Variants in SLC22A23 observed in about 807,000 individuals in gnomAD.
The protein encoded by SLC22A23 is solute carrier family 22 member 23.
A neutral mutation model predicts 61.0 loss-of-function variants in SLC22A23; 26 were observed. The ratio of observed to expected loss-of-function variants is 0.43; its 90% CI spans 0.31 to 0.59. SLC22A23 has a LOEUF of 0.59. SLC22A23 is among the 20% of genes least tolerant of loss of function. The pLI is 0.11. For synonymous variants in SLC22A23, 430 were observed against 413.9 expected, an observed-to-expected ratio of 1.04 and a Z score of -0.47; for missense variants, 796 against 934.7, an observed-to-expected ratio of 0.85 and a Z score of 1.94.
intron 5 of SLC22A23, among the ~76,000 whole-genome samples, chr6:3,296,927 C>G (rs1362463537): frequency 6.6e-6 from 1 of 152,200 alleles, no homozygotes; most frequent in Admixed American, 6.5e-5. Flanking sequence ...GCATCCCTTC[C>G]CATCGTAAAT....
chr6:3,351,533 C>T (rs760113845), intron 3 of SLC22A23, among the ~76,000 whole-genome samples: 14 of 152,170 alleles, frequency 9.2e-5, no homozygotes, highest in African/African-American at 1.7e-4. Context: ...AAGTACTGGA[C>T]GGTCAGGACT....
intron 4 of SLC22A23, among the ~76,000 whole-genome samples, chr6:3,314,552 A>G (rs1762529158): frequency 6.6e-6 from 1 of 152,200 alleles, no homozygotes; most frequent in African/African-American, 2.4e-5. Context: ...AGCAGGGTTT[A>G]AGAAACAAAC....
chr6:3,356,225 C>G (rs1380019268), intron 3 of SLC22A23, among the ~76,000 whole-genome samples: 1 of 150,506 alleles, frequency 6.6e-6, no homozygotes, highest in East Asian at 2.0e-4. Flanking sequence ...CGCGTGCTCT[C>G]TCGGGAGGGC....
At chr6:3,298,698 C>A (rs567427294) in intron 4 of SLC22A23, among the ~76,000 whole-genome samples, 1 of 152,012 alleles carries the variant, frequency 6.6e-6, no homozygotes, top group Non-Finnish European at 1.5e-5. Context: ...CCCGGCCGGG[C>A]GCGGTGGCTC....
chr6:3,385,665 CT>C (rs1767253902), intron 3 of SLC22A23, among the ~76,000 whole-genome samples: 1 of 152,214 alleles, frequency 6.6e-6, no homozygotes, highest in East Asian at 1.9e-4. Flanking sequence ...ACTGTTGGAG[CT>C]AATTGTCTGA....
Position 3,286,859 on chromosome 6 carries a change from G to C in SLC22A23, c.1546C>G (p.Leu516Val), listed in dbSNP as rs142569200. Residue 516 changes from leucine (L) to valine (V), a missense_variant and splice_region_variant, in exon 7 of 10, where the codon CTG (leucine) becomes GTG (valine). Leu to Val is a conservative substitution (Grantham distance 32). Coordinates refer to ENST00000406686, the MANE Select transcript of SLC22A23 (RefSeq NM_015482.2). This position sits in a 1 kb window ranked among gnomAD's most constrained non-coding sequence, Gnocchi z 4.2. ...CAGCCCACCTCCCCGACCCACTCACGGTTGAGGAGGCCGAGCTGCAGGAGT... is the reference window on the plus strand; with the variant it reads ...CAGCCCACCTCCCCGACCCACTCACCGTTGAGGAGGCCGAGCTGCAGGAGT... ...ASLLQLGLLN[L>V]IGKYSQHPDS... 2 of 1,590,814 alleles carry C rather than the reference G, an allele frequency of 1.3e-6. No homozygotes were observed. Among genetic ancestry groups the C allele is most frequent in the Non-Finnish European group, 1.7e-6 (2 of 1,169,250 alleles).
intron 1 of SLC22A23, among the ~76,000 whole-genome samples, chr6:3,423,572 G>A (rs1252716689): frequency 6.6e-6 from 1 of 152,146 alleles, no homozygotes; most frequent in Non-Finnish European, 1.5e-5. Flanking sequence ...AGCCCTGTAA[G>A]TTAAAAAGGA....
chr6:3,440,129 C>T lies in SLC22A23; in HGVS notation c.654+15777G>A, dbSNP rs372153344. Among the ~76,000 whole-genome samples the T allele has an allele frequency of 1.3e-4, 20 of 152,186 alleles. No individual in the cohort carries two copies. In the East Asian group the frequency reaches 1.4e-3, roughly 10 times the overall value. On this transcript the variant is annotated intron_variant, in intron 1 of 9. Transcript: ENST00000406686. ...AAAAGGCACAGATAAGATCAGGTAC[C>T]ACAAGAGAGGGCCAGTCCAGCAGGT...
intron 3 of SLC22A23, among the ~76,000 whole-genome samples, chr6:3,350,418 T>C (rs1473965245): frequency 1.3e-5 from 2 of 152,342 alleles, no homozygotes; most frequent in Admixed American, 6.5e-5. Context: ...ATGAATAATA[T>C]CTCTTGTGTG....
chr6:3,431,186 C>G (rs1439093897), intron 1 of SLC22A23, among the ~76,000 whole-genome samples: 3 of 152,168 alleles, frequency 2.0e-5, no homozygotes, highest in South Asian at 4.1e-4. Context: ...GGACTGGACA[C>G]TGAGTGAGAT....
chr6:3,416,485 G>T (rs560237840), intron 1 of SLC22A23, among the ~76,000 whole-genome samples: 1 of 152,144 alleles, frequency 6.6e-6, no homozygotes, highest in Non-Finnish European at 1.5e-5. Flanking sequence ...AGAGAAAGCC[G>T]GTCAATTAGT....
chr6:3,337,073 G>C (rs530405347), intron 3 of SLC22A23, among the ~76,000 whole-genome samples: 8 of 152,310 alleles, frequency 5.3e-5, no homozygotes, highest in African/African-American at 1.9e-4. Context: ...CTCCCAAAGT[G>C]CTGGAATTAC....
At chr6:3,369,874 C>T (rs185942989) in intron 3 of SLC22A23, among the ~76,000 whole-genome samples, 424 of 152,272 alleles carry the variant, frequency 2.8e-3, no homozygotes, top group African/African-American at 9.7e-3. Flanking sequence ...ATCTCAAGCA[C>T]GACTATTTTT....
At chr6:3,453,261 A>G (rs1377176826) in intron 1 of SLC22A23, among the ~76,000 whole-genome samples, 1 of 152,232 alleles carries the variant, frequency 6.6e-6, no homozygotes, top group Admixed American at 6.5e-5. Context: ...AAAAAAAATT[A>G]TTCTGAGGAG....
At chr6:3,437,165 GAAC>G (rs1226527626) in intron 1 of SLC22A23, among the ~76,000 whole-genome samples, 2 of 151,948 alleles carry the variant, frequency 1.3e-5, no homozygotes, top group Admixed American at 6.6e-5. Context: ...TATAAACGAT[GAAC>G]AACAAGAAGG....
At chr6:3,370,321 G>C (rs1766127369) in intron 3 of SLC22A23, among the ~76,000 whole-genome samples, 1 of 152,398 alleles carries the variant, frequency 6.6e-6, no homozygotes, top group East Asian at 1.9e-4. Flanking sequence ...CCTTGACTGT[G>C]GGTCTTTGAG....
chr6:3,278,199 T>TA (rs1399648403), intron 9 of SLC22A23, among the ~76,000 whole-genome samples: 3 of 152,348 alleles, frequency 2.0e-5, no homozygotes, highest in East Asian at 3.9e-4. Context: ...AAAACCAAGA[T>TA]ACTCGGTGAG....
At chr6:3,307,057 C>G (rs570467765) in intron 4 of SLC22A23, among the ~76,000 whole-genome samples, 5 of 152,334 alleles carry the variant, frequency 3.3e-5, no homozygotes, top group Admixed American at 2.6e-4. Flanking sequence ...TGCTTGCCAA[C>G]TTGGAGGATT....
At position 3,338,219 on chromosome 6, in the gene SLC22A23, G is replaced by A. The variant is rs144482479; in HGVS notation, c.914-14217C>T. 3.9e-5 allele frequency among the ~76,000 whole-genome samples: 6 copies of A among 152,332 alleles called. No homozygotes were observed. The East Asian group carries it at 1.2e-3, about 29-fold the overall frequency. ...TGTTAAAATGGTATAGAAGCTCTTA[G>A]GCTTAACCATTTCCTTGGGCTTTCA... On this transcript the variant is annotated intron_variant, in intron 3 of 9. Coordinates refer to ENST00000406686, the MANE Select transcript of SLC22A23 (RefSeq NM_015482.2).
Sources: gnomAD v4.1 joint callset for allele counts (sites outside exome capture counted in the v4.1 genomes callset) on GRCh38, gnomAD v4.1.1 for gene constraint, Gnocchi (gnomAD v3.1) non-coding constraint, MANE v1.5 for transcripts, NCBI Gene and HGNC (gene_info 2026-07-23, HGNC 2026-07-21) for gene names.